Variants in NALCN observed in about 807,000 individuals in gnomAD.
NALCN encodes sodium leak channel, non-selective, also known as sodium leak channel NALCN.
In NALCN, 111 loss-of-function variants were observed where a neutral mutation model predicts 225.3. The ratio of observed to expected loss-of-function variants is 0.49; its 90% CI spans 0.42 to 0.58. The LOEUF (loss-of-function observed/expected upper bound fraction) is 0.58, where lower values mean the gene tolerates loss of function less well. NALCN is among the 20% of genes least tolerant of loss of function. The pLI, the probability that NALCN is intolerant of heterozygous loss-of-function variation, is 0.00. For synonymous variants in NALCN, 764 were observed against 769.0 expected, an observed-to-expected ratio of 0.99 and a Z score of 0.11; for missense variants, 1,378 against 2,202.4, an observed-to-expected ratio of 0.63 and a Z score of 7.49.
intron 41 of NALCN, among the ~76,000 whole-genome samples, chr13:101,060,268 G>GTTTT (rs1448927684): frequency 5.8e-5 from 4 of 68,380 alleles, no homozygotes; most frequent in African/African-American, 2.5e-4. Flanking sequence ...TGTTGTTGGT[G>GTTTT]TTTTCTGTTT....
At chr13:101,277,746 C>G (rs554520984) in intron 10 of NALCN, among the ~76,000 whole-genome samples, 2 of 152,120 alleles carry the variant, frequency 1.3e-5, no homozygotes, top group Non-Finnish European at 2.9e-5. Flanking sequence ...ACGATAGAGT[C>G]ACGGACAAAG....
intron 15 of NALCN, among the ~76,000 whole-genome samples, chr13:101,175,590 A>T (rs1176503718): frequency 6.6e-6 from 1 of 152,178 alleles, no homozygotes; most frequent in East Asian, 1.9e-4. Flanking sequence ...GGAGGGTGAT[A>T]CAAGAACGTT....
intron 17 of NALCN, among the ~76,000 whole-genome samples, chr13:101,140,710 GCA>G (rs1293749352): frequency 2.0e-5 from 3 of 152,212 alleles, no homozygotes; most frequent in African/African-American, 7.2e-5. Context: ...CATGCCCCAT[GCA>G]CAGTGTTGAG....
intron 7 of NALCN, among the ~76,000 whole-genome samples, chr13:101,338,403 C>T (rs1045454842): frequency 3.6e-4 from 54 of 152,086 alleles, no homozygotes; most frequent in Non-Finnish European, 7.5e-4. Context: ...TGCATGATAG[C>T]GATTTACTTC....
chr13:101,170,787 C>T (rs1037570763), intron 15 of NALCN, among the ~76,000 whole-genome samples: 2 of 152,146 alleles, frequency 1.3e-5, no homozygotes, highest in African/African-American at 4.8e-5. Context: ...TTTCACAGCT[C>T]TGAATTTAAT....
At chr13:101,289,420 C>A (rs2139036167) in intron 9 of NALCN, among the ~76,000 whole-genome samples, 1 of 152,144 alleles carries the variant, frequency 6.6e-6, no homozygotes, top group Admixed American at 6.5e-5. Context: ...AAACAGTTCT[C>A]ATCACAGATT....
chr13:101,312,770 T>G (rs2044395963), intron 7 of NALCN, among the ~76,000 whole-genome samples: 1 of 152,128 alleles, frequency 6.6e-6, no homozygotes. Flanking sequence ...TGAGGAGTGC[T>G]TTACTTCCAA....
intron 10 of NALCN, among the ~76,000 whole-genome samples, chr13:101,273,884 CAAAAAAAAAA>C (rs34847260): frequency 2.1e-5 from 2 of 95,868 alleles, no homozygotes; most frequent in African/African-American, 8.8e-5. Flanking sequence ...GACTCCATCT[CAAAAAAAAAA>C]AAAAAAAAAA....
At chr13:101,318,499 G>C (rs1489667615) in intron 7 of NALCN, among the ~76,000 whole-genome samples, 2 of 152,180 alleles carry the variant, frequency 1.3e-5, no homozygotes. Flanking sequence ...TTTCTGAATA[G>C]GGGGAAATCT....
At chr13:101,259,895 A>T (rs1262959449) in intron 10 of NALCN, among the ~76,000 whole-genome samples, 1 of 151,234 alleles carries the variant, frequency 6.6e-6, no homozygotes, top group African/African-American at 2.5e-5. Context: ...TACACTCTTT[A>T]AGTTATTTTA....
chr13:101,145,804 CATCTTTTAACACTG>C (rs1292463189), intron 15 of NALCN, among the ~76,000 whole-genome samples: 1 of 152,148 alleles, frequency 6.6e-6, no homozygotes, highest in East Asian at 1.9e-4. Flanking sequence ...TCCCAAACTG[CATCTTTTAACACTG>C]ATGCCTTTCA....
At chr13:101,249,845 C>A (rs2042010566) in intron 11 of NALCN, among the ~76,000 whole-genome samples, 1 of 152,068 alleles carries the variant, frequency 6.6e-6, no homozygotes, top group Admixed American at 6.6e-5. Context: ...CCCAGCATGT[C>A]CACTATCACT....
At chr13:101,169,888 T>C (rs1291137128) in intron 15 of NALCN, among the ~76,000 whole-genome samples, 1 of 152,234 alleles carries the variant, frequency 6.6e-6, no homozygotes, top group Non-Finnish European at 1.5e-5. Context: ...AGCAGTTATA[T>C]CAGTCTTTTA....
At chr13:101,209,739 T>G (rs888813657) in intron 13 of NALCN, among the ~76,000 whole-genome samples, 3 of 152,200 alleles carry the variant, frequency 2.0e-5, no homozygotes, top group African/African-American at 7.2e-5. Flanking sequence ...GCTGTACCTT[T>G]GCATAATCCC....
intron 2 of NALCN, among the ~76,000 whole-genome samples, chr13:101,397,066 T>TTATATATATATATATATA (rs368771604): frequency 3.5e-5 from 2 of 56,398 alleles, no homozygotes; most frequent in Non-Finnish European, 7.0e-5. Flanking sequence ...TATGAATGTA[T>TTATATATATATATATATA]TATATATATA....
In NALCN at chr13:101,113,083, G is replaced by A. The variant is rs9513854; in HGVS notation, c.2193-1857C>T. ...TTCACTGAATGTAAATGTATTCTTG[G>A]AAACAAACCCTAAATAATCACTATT... is the stretch of plus-strand genomic sequence containing the variant. On this transcript the variant is annotated intron_variant, in intron 18 of 43. Transcript: ENST00000251127. Among the ~76,000 whole-genome samples the A allele has an allele frequency of 2.2e-3, 328 of 152,234 alleles. 2 individuals carry two copies. The highest frequency in any genetic ancestry group is 6.8e-3 in the Middle Eastern group (2 of 294).
intron 7 of NALCN, among the ~76,000 whole-genome samples, chr13:101,324,834 G>GT (rs2044885007): frequency 6.6e-6 from 1 of 152,164 alleles, no homozygotes; most frequent in Non-Finnish European, 1.5e-5. Flanking sequence ...TGGTGAGGGA[G>GT]GCCATCCCTG....
chr13:101,175,491 A>T (rs934326657), intron 15 of NALCN, among the ~76,000 whole-genome samples: 2 of 152,208 alleles, frequency 1.3e-5, no homozygotes, highest in Admixed American at 1.3e-4. Context: ...TGTTAACATT[A>T]TAACAGGTGT....
At chr13:101,193,164 A>G (rs2039751887) in intron 13 of NALCN, among the ~76,000 whole-genome samples, 1 of 151,692 alleles carries the variant, frequency 6.6e-6, no homozygotes, top group Non-Finnish European at 1.5e-5. Context: ...GATTATCCCA[A>G]AGTCACACTA....
Sources: gnomAD v4.1 joint callset for allele counts (sites outside exome capture counted in the v4.1 genomes callset) on GRCh38, gnomAD v4.1.1 for gene constraint, MANE v1.5 for transcripts, NCBI Gene and HGNC (gene_info 2026-07-23, HGNC 2026-07-21) for gene names.